STC1: variants seen among roughly 807,000 people sequenced by gnomAD.
STC1 encodes the protein stanniocalcin-1.
A neutral mutation model predicts 22.6 loss-of-function variants in STC1; 7 were observed. The observed-to-expected ratio is 0.31, with a 90% CI of 0.18 to 0.58. The LOEUF (loss-of-function observed/expected upper bound fraction) is 0.58. Ranked by LOEUF, STC1 falls within the 20% of genes least tolerant of loss-of-function variation. The pLI is 0.89. For missense variants in STC1, 224 were observed against 311.0 expected (o/e 0.72, Z 2.10); for synonymous variants, 113 against 120.7 (o/e 0.94, Z 0.42).
intron 3 of STC1, among the ~76,000 whole-genome samples, chr8:23,847,984 C>G (rs756779237): frequency 6.6e-6 from 1 of 152,220 alleles, no homozygotes; most frequent in South Asian, 2.1e-4. Flanking sequence ...TGGCTCAAGG[C>G]CACATGAGTT....
chr8:23,842,756 A>G lies in STC1; in HGVS notation c.*2014T>C. 6.5e-6 allele frequency: 1 copy of G among 152,812 alleles called. No homozygotes were observed. 9.5% of individuals were successfully genotyped at this position (152,812 alleles called of 1,614,324 possible). ...CCAAGAGGCTAAGGCAGTGTCCATA[A>G]GTTTGGGGACCTGGGGATGGGACAG... On this transcript the variant is annotated 3_prime_UTR_variant, in exon 4 of 4. Transcript: ENST00000290271.
At position 23,842,860 on chromosome 8, in the gene STC1, GTGCTGC is replaced by G; in HGVS notation, c.*1904_*1909del. 5 of 155,544 alleles carry G rather than the reference GTGCTGC, an allele frequency of 3.2e-5. No individual in the cohort carries two copies. The highest frequency in any genetic ancestry group is 1.9e-4 in the East Asian group (1 of 5,274). The allele number at this position is 155,544 out of a possible 1,614,324, so 9.6% of individuals were successfully genotyped here. On this transcript the variant is annotated 3_prime_UTR_variant, in exon 4 of 4. Coordinates refer to ENST00000290271, the MANE Select transcript of STC1 (RefSeq NM_003155.3). ...TGTGGGGACAAAGGCAGCAATGTTT[GTGCTGC>G]TGCTGCTGCTGCTGGGTCTGCTGCA...
chr8:23,848,202 C>A (rs889508570), intron 3 of STC1, among the ~76,000 whole-genome samples: 1 of 152,068 alleles, frequency 6.6e-6, no homozygotes, highest in Admixed American at 6.5e-5. Context: ...TGCTTACATC[C>A]CCTCCTTTGC....
At chr8:23,846,339 G>T (rs1802572860) in intron 3 of STC1, among the ~76,000 whole-genome samples, 1 of 152,082 alleles carries the variant, frequency 6.6e-6, no homozygotes, top group African/African-American at 2.4e-5. Flanking sequence ...GGATGCATTT[G>T]GTCCATTTTG....
chr8:23,854,702 C>A lies in STC1; in HGVS notation c.-179G>T. The A allele has an allele frequency of 1.4e-6, 1 of 706,574 alleles. No individual in the cohort carries two copies. The highest frequency in any genetic ancestry group is 1.5e-5 in the South Asian group (1 of 67,944). The allele number at this position is 706,574 out of a possible 1,614,324, so 43.8% of individuals were successfully genotyped here. On this transcript the variant is annotated 5_prime_UTR_variant, in exon 1 of 4. The change creates a new upstream start codon in the 5' untranslated region. Transcript: ENST00000290271. ...GTGATGCTGCTGCTGCCACCGGTGC[C>A]TCCGCTGCTGCTGCTGCTGCCGCCG...
In STC1 at chr8:23,845,035, T is replaced by C; in HGVS notation, c.479A>G (p.Tyr160Cys). Residue 160 changes from tyrosine (Y) to cysteine (C), a missense_variant, in exon 4 of 4, where the codon TAT (tyrosine) becomes TGT (cysteine). Physicochemically the swap from Tyr to Cys is radical, Grantham distance 194. Transcript: ENST00000290271. ...CAGCAGGCTTCGGACAAGTCTGTTA[T>C]AGTATCTGCATCAAGAAAGAGAGTG... ...QLPNHFSNRYYNRLVRSLLEC... is the reference protein window; with the variant it reads ...QLPNHFSNRYCNRLVRSLLEC... 1 of 1,613,974 alleles carries C rather than the reference T, an allele frequency of 6.2e-7. No homozygotes were observed. Among genetic ancestry groups the C allele is most frequent in the Non-Finnish European group, 8.5e-7 (1 of 1,179,910 alleles).
intron 1 of STC1, chr8:23,854,076 C>T (rs766912675): frequency 6.1e-6 from 7 of 1,138,356 alleles, no homozygotes; most frequent in African/African-American, 1.6e-5. Context: ...GTATAGAGAG[C>T]GCTTTGAAGC....
Position 23,842,241 on chromosome 8 carries a change from G to C in STC1, c.*2529C>G, listed in dbSNP as rs1456999507. The C allele has an allele frequency of 2.0e-5, 3 of 152,240 alleles. No individual in the cohort carries two copies. The Admixed American group carries it at 2.0e-4, about 10-fold the overall frequency. The allele number at this position is 152,240 out of a possible 1,614,324, so 9.4% of individuals were successfully genotyped here. On this transcript the variant is annotated 3_prime_UTR_variant, in exon 4 of 4. Transcript: ENST00000290271. ...TGTCTAAAGTGCAACCAAATCACAAGAGAAGAATCATGCAAACTGGTCTAG... is the reference window on the plus strand; with the variant it reads ...TGTCTAAAGTGCAACCAAATCACAACAGAAGAATCATGCAAACTGGTCTAG...
intron 3 of STC1, among the ~76,000 whole-genome samples, chr8:23,846,944 CTTGGGCTCTGCTAGGACCTGGGTCTT>C (rs929550981): frequency 1.3e-5 from 2 of 152,178 alleles, no homozygotes; most frequent in African/African-American, 4.8e-5. Context: ...TCACCTGGCT[CTTGGGCTCTGCTAGGACCTGGGTCTT>C]TGGATGGCTG....
At position 23,843,416 on chromosome 8, in the gene STC1, G is replaced by T. The variant is rs1802537871; in HGVS notation, c.*1354C>A. 6.6e-6 allele frequency: 1 copy of T among 152,434 alleles called. No homozygotes were observed. The highest frequency in any genetic ancestry group is 2.4e-5 in the African/African-American group (1 of 41,354). The allele number at this position is 152,434 out of a possible 1,614,324, so 9.4% of individuals were successfully genotyped here. Reference sequence around the variant, plus strand: ...GAAAATGTAAGAGAAGTCTATTAAGGCTGGACAGCCCAGGGTTATTTATAC... The same window carrying T: ...GAAAATGTAAGAGAAGTCTATTAAGTCTGGACAGCCCAGGGTTATTTATAC... On this transcript the variant is annotated 3_prime_UTR_variant, in exon 4 of 4. Transcript: ENST00000290271.
rs769316600 is a variant in STC1 at position 23,854,537 on chromosome 8, T to A, written c.-14A>T. 6.2e-7 allele frequency: 1 copy of A among 1,600,774 alleles called. No individual in the cohort carries two copies. On this transcript the variant is annotated 5_prime_UTR_variant, in exon 1 of 4. Transcript: ENST00000290271. ...GTTTTGGAGCATTCTCTGAGAAGTT[T>A]CCGCTAAGTTGTTGGGTTTTTTTTT...
In STC1 at chr8:23,843,591, A is replaced by T. The variant is rs1043315598; in HGVS notation, c.*1179T>A. 6.6e-6 allele frequency: 1 copy of T among 152,602 alleles called. No homozygotes were observed. The highest frequency in any genetic ancestry group is 1.5e-5 in the Non-Finnish European group (1 of 68,044). The allele number at this position is 152,602 out of a possible 1,614,324, so 9.5% of individuals were successfully genotyped here. A position where few individuals can be genotyped will look rare whatever the true frequency, so the allele number is the denominator to read the frequency against. Reference sequence around the variant, plus strand: ...ACGAGTAAAGAACTGCCACTTCCTAATGTATAGTAGGCCTTATCACACTGT... The same window carrying T: ...ACGAGTAAAGAACTGCCACTTCCTATTGTATAGTAGGCCTTATCACACTGT... On this transcript the variant is annotated 3_prime_UTR_variant, in exon 4 of 4. Transcript: ENST00000290271.
At chr8:23,849,383 G>T (rs1715488782) in intron 3 of STC1, among the ~76,000 whole-genome samples, 1 of 152,262 alleles carries the variant, frequency 6.6e-6, no homozygotes, top group Non-Finnish European at 1.5e-5. Context: ...TTGCATGGAA[G>T]ATTCCGGTTT....
intron 3 of STC1, among the ~76,000 whole-genome samples, chr8:23,850,323 A>C (rs1802622849): frequency 6.6e-6 from 1 of 152,234 alleles, no homozygotes; most frequent in Non-Finnish European, 1.5e-5. Flanking sequence ...AGTAACATGC[A>C]AAGCACTGAT....
chr8:23,849,984 G>A (rs1802618078), intron 3 of STC1, among the ~76,000 whole-genome samples: 1 of 151,942 alleles, frequency 6.6e-6, no homozygotes, highest in Admixed American at 6.6e-5. Flanking sequence ...TTGAGAAAAT[G>A]GTTGGATTTT....
At chr8:23,846,465 T>A (rs1199393279) in intron 3 of STC1, among the ~76,000 whole-genome samples, 4 of 152,184 alleles carry the variant, frequency 2.6e-5, no homozygotes, top group Admixed American at 2.6e-4. Flanking sequence ...AGCCCAAGGA[T>A]CTCTGGGGCC....
At chr8:23,848,549 A>G (rs1053389156) in intron 3 of STC1, among the ~76,000 whole-genome samples, 1 of 150,106 alleles carries the variant, frequency 6.7e-6, no homozygotes, top group Non-Finnish European at 1.5e-5. Flanking sequence ...AAAAAAAAAA[A>G]AAAAAAAGAA....
chr8:23,854,630 A>G lies in STC1; in HGVS notation c.-107T>C, dbSNP rs1802677567. On this transcript the variant is annotated 5_prime_UTR_variant, in exon 1 of 4. Transcript: ENST00000290271. Reference sequence around the variant, plus strand: ...AAGATGTGGATCTGGATACACTGAAAGCTTAGGTGAGGATTTGATGAGGAT... The same window carrying G: ...AAGATGTGGATCTGGATACACTGAAGGCTTAGGTGAGGATTTGATGAGGAT... 4.1e-6 allele frequency: 4 copies of G among 968,712 alleles called. No homozygotes were observed. The highest frequency in any genetic ancestry group is 6.7e-6 in the Non-Finnish European group (4 of 599,346). The allele number at this position is 968,712 out of a possible 1,614,324, so 60.0% of individuals were successfully genotyped here. A position where few individuals can be genotyped will look rare whatever the true frequency, so the allele number is the denominator to read the frequency against.
chr8:23,851,848 G>C (rs1014804087), intron 2 of STC1, among the ~76,000 whole-genome samples: 1 of 152,158 alleles, frequency 6.6e-6, no homozygotes, highest in Non-Finnish European at 1.5e-5. Flanking sequence ...GAGACTTTGA[G>C]AATTCAGATC....
Sources: allele counts gnomAD v4.1 joint callset (sites outside exome capture counted in the v4.1 genomes callset), GRCh38; gene constraint gnomAD v4.1.1; transcripts MANE v1.5; gene names NCBI Gene and HGNC (gene_info 2026-07-23, HGNC 2026-07-21).